VPS13B: variants seen among roughly 807,000 people sequenced by gnomAD.
VPS13B encodes intermembrane lipid transfer protein VPS13B.
Under a neutral mutation model 426.4 loss-of-function variants are expected in VPS13B, and 285 were observed. The observed-to-expected ratio is 0.67, with a 90% CI of 0.61 to 0.74. The LOEUF (loss-of-function observed/expected upper bound fraction) is 0.74, where lower values mean the gene tolerates loss of function less well. Ranked by LOEUF, VPS13B falls within the 30% of genes least tolerant of loss-of-function variation. The pLI, the probability that VPS13B is intolerant of heterozygous loss-of-function variation, is 0.00. For missense variants in VPS13B, 4,537 were observed against 4,782.6 expected (o/e 0.95, Z 1.51); for synonymous variants, 1,676 against 1,676.4 (o/e 1.00, Z 0.01).
At chr8:99,758,006 AT>A (rs1295401643) in intron 39 of VPS13B, among the ~76,000 whole-genome samples, 1 of 152,100 alleles carries the variant, frequency 6.6e-6, no homozygotes, top group Non-Finnish European at 1.5e-5. Flanking sequence ...TTTCTAAACT[AT>A]TTTTTTGGCA....
chr8:99,740,642 T>A (rs975609569), intron 39 of VPS13B, among the ~76,000 whole-genome samples: 18 of 152,164 alleles, frequency 1.2e-4, no homozygotes, highest in Non-Finnish European at 2.6e-4. Context: ...AAACTCTACA[T>A]GCCAGAAGAG....
chr8:99,733,707 C>T (rs79380181), intron 39 of VPS13B, among the ~76,000 whole-genome samples: 2,515 of 152,168 alleles, frequency 0.017, 63 homozygotes, highest in African/African-American at 0.058. Context: ...TTTTGTCAAG[C>T]ACACATGGCT....
chr8:99,825,799 T>TGG (rs1437486105), intron 51 of VPS13B, among the ~76,000 whole-genome samples: 7 of 152,238 alleles, frequency 4.6e-5, no homozygotes, highest in African/African-American at 1.7e-4. Flanking sequence ...GCTAGCGAGT[T>TGG]TTCCCAACAC....
At chr8:99,555,948 CT>C (rs1328394686) in intron 30 of VPS13B, among the ~76,000 whole-genome samples, 3 of 152,064 alleles carry the variant, frequency 2.0e-5, no homozygotes, top group African/African-American at 7.2e-5. Context: ...ATTACCTTTC[CT>C]AACAAGAAAT....
In VPS13B at chr8:99,507,202, T is replaced by C. The variant is rs759415262; in HGVS notation, c.4223T>C (p.Val1408Ala). The change falls in exon 28 of 62, where the codon GTG becomes GCG. Residue 1408 changes from valine to alanine, a missense_variant and splice_region_variant. By Grantham distance (64) the Val-to-Ala change is moderately conservative (BLOSUM62 0). Coordinates refer to ENST00000357162, the MANE Select transcript of VPS13B (RefSeq NM_152564.5). ...TTTCTACAATGCAAAGAAAAATCTG[T>C]GGTGAGACCCATTTAGTTACTATGA... ...GVFLQCKEKS[V>A]TTTKLLDGTH... is the part of the protein sequence containing the mutation. 1 of 1,613,910 alleles carries C rather than the reference T, an allele frequency of 6.2e-7. No individual in the cohort carries two copies. The highest frequency in any genetic ancestry group is 2.2e-5 in the East Asian group (1 of 44,846).
chr8:99,029,022 G>A (rs533126112), intron 2 of VPS13B, among the ~76,000 whole-genome samples: 3 of 151,254 alleles, frequency 2.0e-5, no homozygotes, highest in African/African-American at 4.9e-5. Context: ...CTTCTCAGAC[G>A]GGGTGGTTGC....
chr8:99,836,618 G>A (rs563096437), intron 54 of VPS13B, among the ~76,000 whole-genome samples: 1 of 152,154 alleles, frequency 6.6e-6, no homozygotes, highest in Admixed American at 6.5e-5. Flanking sequence ...TTTTATGAGT[G>A]AATAATATTG....
chr8:99,601,320 G>A (rs887747243), intron 33 of VPS13B, among the ~76,000 whole-genome samples: 3 of 152,106 alleles, frequency 2.0e-5, no homozygotes, highest in African/African-American at 7.2e-5. Flanking sequence ...CCCTGCAAAG[G>A]GCATGAACTC....
chr8:99,481,864 T>C, intron 25 of VPS13B, 62 bp downstream of exon 25: 2 of 1,570,340 alleles, frequency 1.3e-6, no homozygotes, highest in South Asian at 2.3e-5. Context: ...GATTTCCAGA[T>C]CATGGTTTAA....
chr8:99,687,414 G>T (rs1305744141), intron 35 of VPS13B, among the ~76,000 whole-genome samples: 2 of 151,998 alleles, frequency 1.3e-5, no homozygotes, highest in Non-Finnish European at 2.9e-5. Context: ...ACTTAACCCA[G>T]AATTGCAGTT....
chr8:99,809,633 G>C, intron 44 of VPS13B, 103 bp downstream of exon 44: 1 of 1,379,748 alleles, frequency 7.2e-7, no homozygotes. Context: ...GTTATGCCTA[G>C]TTATATCTAC....
At chr8:99,110,506 C>T (rs1294542647) in intron 5 of VPS13B, among the ~76,000 whole-genome samples, 3 of 151,912 alleles carry the variant, frequency 2.0e-5, no homozygotes, top group Admixed American at 6.6e-5. Context: ...TGTTTTATAT[C>T]TTCTCTCTCC....
chr8:99,682,443 T>A (rs981475332), intron 35 of VPS13B, among the ~76,000 whole-genome samples: 7 of 152,212 alleles, frequency 4.6e-5, no homozygotes, highest in Non-Finnish European at 7.4e-5. Context: ...TTGATACAAG[T>A]CTTTTGTCAG....
chr8:99,093,774 T>G (rs1281203831), intron 3 of VPS13B, among the ~76,000 whole-genome samples: 1 of 152,120 alleles, frequency 6.6e-6, no homozygotes, highest in Non-Finnish European at 1.5e-5. Flanking sequence ...TAATCCAGTC[T>G]ATCATTGTTG....
At chr8:99,594,922 CAGTT>C (rs1337519259) in intron 33 of VPS13B, among the ~76,000 whole-genome samples, 1 of 151,968 alleles carries the variant, frequency 6.6e-6, no homozygotes, top group East Asian at 1.9e-4. Flanking sequence ...TTCATGAAAT[CAGTT>C]AGGACTGTTA....
At chr8:99,210,831 C>G (rs564131635) in intron 17 of VPS13B, among the ~76,000 whole-genome samples, 1 of 152,262 alleles carries the variant, frequency 6.6e-6, no homozygotes, top group East Asian at 1.9e-4. Context: ...CTCCTGAGCT[C>G]AAGCAATCCA....
chr8:99,077,753 A>G (rs960996739), intron 3 of VPS13B, among the ~76,000 whole-genome samples: 29 of 151,910 alleles, frequency 1.9e-4, no homozygotes, highest in African/African-American at 6.5e-4. Flanking sequence ...AGCTTCCTGT[A>G]TTGAAATTTG....
rs369294747 is a variant in VPS13B at position 99,264,610 on chromosome 8, CTTTG to C, written c.2516-9582_2516-9579del. Reference sequence around the variant, plus strand: ...TTTGATGCCATTCTAATTGTTTAACCTTTGTTTGTCACCTGTTTTTGTTTTTATA... The same window carrying C: ...TTTGATGCCATTCTAATTGTTTAACCTTTGTCACCTGTTTTTGTTTTTATA... On this transcript the variant is annotated intron_variant, in intron 17 of 61. Coordinates refer to ENST00000357162, the MANE Select transcript of VPS13B (RefSeq NM_152564.5). Among the ~76,000 whole-genome samples, 525 of 152,082 alleles carry C rather than the reference CTTTG, an allele frequency of 3.5e-3. 2 individuals carry two copies. Among genetic ancestry groups the C allele is most frequent in the African/African-American group, 0.012 (501 of 41,522 alleles).
intron 61 of VPS13B, among the ~76,000 whole-genome samples, chr8:99,872,502 G>A (rs1817477759): frequency 6.6e-6 from 1 of 152,218 alleles, no homozygotes; most frequent in African/African-American, 2.4e-5. Flanking sequence ...GGTGTCAAGA[G>A]TCAAGGGGGA....
Sources: allele counts gnomAD v4.1 joint callset (sites outside exome capture counted in the v4.1 genomes callset), GRCh38; gene constraint gnomAD v4.1.1; transcripts MANE v1.5; gene names NCBI Gene and HGNC (gene_info 2026-07-23, HGNC 2026-07-21).